SLC22A16: variants seen among roughly 807,000 people sequenced by gnomAD.
SLC22A16 encodes the protein WUGSC:RG331P03.1.
In SLC22A16, 53 loss-of-function variants were observed where a neutral mutation model predicts 52.9. That is an observed-to-expected ratio of 1.00 (90% confidence interval 0.80 to 1.26). The LOEUF is 1.26. Among genes scored for constraint, SLC22A16 ranks in the 50% most tolerant of loss-of-function variants. The pLI, the probability that SLC22A16 is intolerant of heterozygous loss-of-function variation, is 0.00. For missense variants in SLC22A16, 726 were observed against 704.0 expected (o/e 1.03, Z -0.35); for synonymous variants, 291 against 268.8 (o/e 1.08, Z -0.81).
At chr6:110,441,382 G>A (rs1011654223) in intron 4 of SLC22A16, among the ~76,000 whole-genome samples, 1 of 152,162 alleles carries the variant, frequency 6.6e-6, no homozygotes. Flanking sequence ...AAACAAGTGG[G>A]ATCAAGATCC....
chr6:110,440,211 A>C (rs1335565906), intron 4 of SLC22A16: 3 of 152,142 alleles, frequency 2.0e-5, no homozygotes, highest in Non-Finnish European at 4.4e-5. Context: ...ATCAGCATAG[A>C]GTACTGCAGC....
intron 1 of SLC22A16, among the ~76,000 whole-genome samples, chr6:110,465,111 A>T (rs1362350823): frequency 1.3e-5 from 2 of 152,082 alleles, no homozygotes; most frequent in Non-Finnish European, 2.9e-5. Flanking sequence ...AAAAAAAAAA[A>T]AAACTCAACA....
intron 3 of SLC22A16, among the ~76,000 whole-genome samples, chr6:110,444,785 C>T (rs1562285899): frequency 6.6e-6 from 1 of 152,188 alleles, no homozygotes. Flanking sequence ...AATGGCAAGA[C>T]TCAGATCATC....
chr6:110,434,690 C>T (rs965800314), intron 6 of SLC22A16, among the ~76,000 whole-genome samples: 17 of 152,052 alleles, frequency 1.1e-4, no homozygotes, highest in Non-Finnish European at 2.2e-4. Context: ...TTAAAAATCC[C>T]GAGTCTCGGC....
chr6:110,434,975 C>T (rs528108502), intron 6 of SLC22A16, among the ~76,000 whole-genome samples: 43 of 151,972 alleles, frequency 2.8e-4, no homozygotes, highest in Middle Eastern at 3.4e-3. Flanking sequence ...GAGACTCCAT[C>T]TCGAAAAAAG....
Position 110,434,588 on chromosome 6 carries a change from G to T in SLC22A16, c.1421+1264C>A, listed in dbSNP as rs917289847. On this transcript the variant is annotated intron_variant, in intron 6 of 7. Transcript: ENST00000368919. Reference sequence around the variant, plus strand: ...AGCTTGGAAGTCCCTGAGGTTCCCAGATCAGTGGGAATCACATCAGACATT... The same window carrying T: ...AGCTTGGAAGTCCCTGAGGTTCCCATATCAGTGGGAATCACATCAGACATT... 5.9e-5 allele frequency among the ~76,000 whole-genome samples: 8 copies of T among 135,702 alleles called. No homozygotes were observed. The Admixed American group carries it at 6.7e-4, about 11-fold the overall frequency. The allele number at this position is 135,702 out of a possible 152,430, so 89.0% of individuals were successfully genotyped here.
At chr6:110,425,226 T>C in intron 7 of SLC22A16, 141 bp from the exon 8 acceptor site, 1 of 1,519,192 alleles carries the variant, frequency 6.6e-7, no homozygotes, top group Non-Finnish European at 8.8e-7. Flanking sequence ...CTCGGTGAGA[T>C]CTTTGGTTAC....
intron 1 of SLC22A16, among the ~76,000 whole-genome samples, chr6:110,460,858 G>C (rs1241719666): frequency 1.3e-5 from 2 of 152,164 alleles, no homozygotes; most frequent in Non-Finnish European, 2.9e-5. Context: ...CTCAGTGCAG[G>C]TTTCTTCTAG....
chr6:110,431,073 G>A, intron 7 of SLC22A16, 98 bp downstream of exon 7: 5 of 992,466 alleles, frequency 5.0e-6, no homozygotes, highest in Non-Finnish European at 7.9e-6. Context: ...AGGAAATGAT[G>A]TACTGGCTTT....
chr6:110,470,805 G>A (rs369462527), intron 1 of SLC22A16, among the ~76,000 whole-genome samples: 2 of 152,094 alleles, frequency 1.3e-5, no homozygotes. Context: ...TGGGGTCAAG[G>A]CCCCTACAAG....
chr6:110,432,070 G>C (rs921364324), intron 6 of SLC22A16, among the ~76,000 whole-genome samples: 2 of 152,180 alleles, frequency 1.3e-5, no homozygotes, highest in Non-Finnish European at 2.9e-5. Context: ...TAGAGAAAAT[G>C]TATAGAATGT....
At chr6:110,425,368 G>A in intron 7 of SLC22A16, 1 of 1,366,444 alleles carries the variant, frequency 7.3e-7, no homozygotes, top group Non-Finnish European at 9.7e-7. Context: ...ACTCCTGAAG[G>A]TGCTGTCCTA....
In SLC22A16 at chr6:110,456,695, C is replaced by T. The variant is rs755299185; in HGVS notation, c.376G>A (p.Val126Met). 3.7e-6 allele frequency: 6 copies of T among 1,614,190 alleles called. No homozygotes were observed. The highest frequency in any genetic ancestry group is 5.1e-6 in the Non-Finnish European group (6 of 1,180,034). The change falls in exon 2 of 8, where the codon GTG becomes ATG. Residue 126 changes from valine (V) to methionine (M), a missense_variant. By Grantham distance (21) the Val-to-Met change is conservative (BLOSUM62 1). Transcript: ENST00000368919. ...TTCTGGTCATATATGTAGCCATCCA[C>T]ACAAGGAAACTCTTTCTTACTGCCA... The part of the protein sequence containing the change: ...YTGSKKEFPC[V>M]DGYIYDQNTW...
chr6:110,445,537 T>A (rs2114949715), intron 3 of SLC22A16, among the ~76,000 whole-genome samples: 1 of 152,262 alleles, frequency 6.6e-6, no homozygotes, highest in South Asian at 2.1e-4. Flanking sequence ...TGCCTGCATC[T>A]CCCATCCACA....
At chr6:110,475,955 C>T (rs755766568) in intron 1 of SLC22A16, 2 of 456,450 alleles carry the variant, frequency 4.4e-6, no homozygotes, top group Non-Finnish European at 8.8e-6. Flanking sequence ...TTGCAGGGTC[C>T]CGGTGAACAT....
intron 1 of SLC22A16, among the ~76,000 whole-genome samples, chr6:110,469,833 A>G (rs1360862165): frequency 6.6e-6 from 1 of 152,250 alleles, no homozygotes; most frequent in Non-Finnish European, 1.5e-5. Context: ...CTTGTTAATA[A>G]TAAAACTTGA....
At chr6:110,432,181 G>A (rs1774532763) in intron 6 of SLC22A16, among the ~76,000 whole-genome samples, 6 of 152,168 alleles carry the variant, frequency 3.9e-5, no homozygotes, top group Admixed American at 3.9e-4. Context: ...CTGATAAAAA[G>A]TATGGCATTC....
chr6:110,440,696 G>A (rs1176561926), intron 4 of SLC22A16, among the ~76,000 whole-genome samples: 1 of 152,120 alleles, frequency 6.6e-6, no homozygotes, highest in Non-Finnish European at 1.5e-5. Flanking sequence ...AGAATCGCTT[G>A]AACCCAGGAG....
At chr6:110,455,674 G>C (rs954609006) in intron 2 of SLC22A16, 1 of 152,262 alleles carries the variant, frequency 6.6e-6, no homozygotes, top group East Asian at 1.9e-4. Context: ...GCCAGGTTAT[G>C]CTTTGAATGA....
Sources: gnomAD v4.1 joint callset for allele counts (sites outside exome capture counted in the v4.1 genomes callset) on GRCh38, gnomAD v4.1.1 for gene constraint, MANE v1.5 for transcripts, NCBI Gene and HGNC (gene_info 2026-07-23, HGNC 2026-07-21) for gene names.